The following ARHGEF1 variants were observed in gnomAD, a reference collection of about 807,000 sequenced individuals.
The protein encoded by ARHGEF1 is Rho guanine nucleotide exchange factor 1.
A neutral mutation model predicts 119.7 loss-of-function variants in ARHGEF1; 40 were observed. The ratio of observed to expected loss-of-function variants is 0.33; its 90% CI spans 0.26 to 0.44. ARHGEF1 has a LOEUF of 0.44. Among genes scored for constraint, ARHGEF1 ranks in the 20% least tolerant of loss-of-function variants. ARHGEF1 has a pLI of 1.00. For synonymous variants in ARHGEF1, 494 were observed against 521.0 expected, an observed-to-expected ratio of 0.95 and a Z score of 0.71; for missense variants, 976 against 1,268.3, an observed-to-expected ratio of 0.77 and a Z score of 3.50.
At position 41,888,850 on chromosome 19, in the gene ARHGEF1, T is replaced by G. The variant is rs1287509698; in HGVS notation, c.210T>G (p.Phe70Leu). 6.2e-7 allele frequency: 1 copy of G among 1,613,740 alleles called. No homozygotes were observed. The highest frequency in any genetic ancestry group is 1.3e-5 in the African/African-American group (1 of 74,908). The change falls in exon 4 of 29, where the codon TTT (phenylalanine) becomes TTG (leucine). Residue 70 changes from phenylalanine (F) to leucine (L), a missense_variant. This residue lies in a region of ARHGEF1 where 519 missense variants were observed against 580.9 expected (regional missense o/e 0.89). Transcript: ENST00000354532. This position sits in a 1 kb window ranked among gnomAD's most constrained non-coding sequence, Gnocchi z 5.1. ...MALLQHVALQ[F>L]EPGPLLCCLH... ...TCCTGCAGCACGTGGCCCTGCAGTT[T>G]GAGCCAGGACCCCTGGTGAGGGCAG...
rs2074614980 is a variant in ARHGEF1, at chr19:41,902,183, ACCTGCAGCCCTACCCCC to A, written c.1415-90_1415-74del. 12 of 1,565,670 alleles carry A rather than the reference ACCTGCAGCCCTACCCCC, an allele frequency of 7.7e-6. No individual in the cohort carries two copies. ...GGTCCCGAGGATCAGACACAGACAC[ACCTGCAGCCCTACCCCC>A]ACCACACCGCAGCAGGCCCCGCACA... On this transcript the variant is annotated intron_variant, in intron 15 of 28. Transcript: ENST00000354532. This position sits in a 1 kb window ranked among gnomAD's most constrained non-coding sequence, Gnocchi z 6.5.
In ARHGEF1 at chr19:41,916,719, C is replaced by T. The variant is rs1568833581; in HGVS notation, c.1866-6373C>T. Among the ~76,000 whole-genome samples the T allele has an allele frequency of 6.6e-6, 1 of 151,932 alleles. No individual in the cohort carries two copies. The highest frequency in any genetic ancestry group is 1.5e-5 in the Non-Finnish European group (1 of 67,954). The stretch of plus-strand genomic sequence containing the variant: ...CATATGCACTTGGTCACGCATGGAG[C>T]CGTAGAGATACACACACCAGCACCA... On this transcript the variant is annotated intron_variant, in intron 18 of 20. Transcript: ENST00000599589. This position sits in a 1 kb window ranked among gnomAD's most constrained non-coding sequence, Gnocchi z 5.4.
rs897262762 is a variant in ARHGEF1, at chr19:41,902,381, C to G, written c.1497+25C>G. On this transcript the variant is annotated intron_variant, in intron 16 of 28. Coordinates refer to ENST00000354532, the MANE Select transcript of ARHGEF1 (RefSeq NM_004706.4). The surrounding 1 kb of genome is among the most constrained non-coding windows in gnomAD (Gnocchi z 6.5). ...GGTGAGATGCCCAGCCCTCCCGCTC[C>G]TCCCAGCTAGACACATGGAATTCAG... is the stretch of plus-strand genomic sequence containing the variant. The G allele has an allele frequency of 6.2e-7, 1 of 1,613,648 alleles. No individual in the cohort carries two copies. Among genetic ancestry groups the G allele is most frequent in the Non-Finnish European group, 8.5e-7 (1 of 1,179,854 alleles).
intron 1 of ARHGEF1, among the ~76,000 whole-genome samples, chr19:41,885,885 T>C (rs1384584273): frequency 1.3e-5 from 2 of 152,180 alleles, no homozygotes; most frequent in Non-Finnish European, 2.9e-5. Flanking sequence ...CCCAAGTAGC[T>C]ATGACTACAG....
intron 4 of ARHGEF1, among the ~76,000 whole-genome samples, chr19:41,891,133 G>A (rs2074370256): frequency 6.6e-6 from 1 of 152,070 alleles, no homozygotes; most frequent in African/African-American, 2.4e-5. Flanking sequence ...CACCATCTGG[G>A]ACACAGATGG....
At chr19:41,898,279 G>C in intron 13 of ARHGEF1, 163 bp from the exon 14 acceptor site, 1 of 1,301,866 alleles carries the variant, frequency 7.7e-7, no homozygotes, top group Non-Finnish European at 1.0e-6. Flanking sequence ...CTAGAGATCT[G>C]GGAACTCTAG....
At position 41,905,119 on chromosome 19, in the gene ARHGEF1, C is replaced by T. The variant is rs2074668789; in HGVS notation, c.2250-56C>T. On this transcript the variant is annotated intron_variant, in intron 23 of 28. Transcript: ENST00000354532. This position sits in a 1 kb window ranked among gnomAD's most constrained non-coding sequence, Gnocchi z 6.4. The stretch of plus-strand genomic sequence containing the variant: ...CAGGGACAGGAGGGCTGTGGGGAGG[C>T]CCTGGCATAGGGTCTGGGGGCTCTG... The T allele has an allele frequency of 1.2e-6, 2 of 1,610,606 alleles. No individual in the cohort carries two copies. Among genetic ancestry groups the T allele is most frequent in the African/African-American group, 2.7e-5 (2 of 74,848 alleles).
intron 1 of ARHGEF1, among the ~76,000 whole-genome samples, chr19:41,926,479 G>C (rs1471839576): frequency 1.3e-5 from 2 of 152,102 alleles, no homozygotes; most frequent in Admixed American, 1.3e-4. Context: ...GCCACAGGTG[G>C]GTGCAGTGTG....
intron 1 of ARHGEF1, chr19:41,927,903 CCCCATCCGCCTA>C (rs2145915796): frequency 6.6e-6 from 1 of 151,742 alleles, no homozygotes; most frequent in East Asian, 1.9e-4. Flanking sequence ...GGGCGGATGA[CCCCATCCGCCTA>C]CCCCTCCACC....
In ARHGEF1 at chr19:41,914,563, A is replaced by C. The variant is rs868957595; in HGVS notation, c.1865+7760A>C. 6.0e-4 allele frequency among the ~76,000 whole-genome samples: 34 copies of C among 56,654 alleles called. 1 individual carries two copies. Among genetic ancestry groups the C allele is most frequent in the South Asian group, 2.1e-3 (2 of 964 alleles). 37.2% of individuals were successfully genotyped at this position (56,654 alleles called of 152,430 possible). A position where few individuals can be genotyped will look rare whatever the true frequency, so the allele number is the denominator to read the frequency against. On this transcript the variant is annotated intron_variant, in intron 18 of 20. Coordinates refer to the ARHGEF1 transcript ENST00000599589. Reference sequence around the variant, plus strand: ...ATCCGTCTTTCCCTCCCCTTCCACCATCTCTGTCTCCGTCTCTCCCTCCCT... The same window carrying C: ...ATCCGTCTTTCCCTCCCCTTCCACCCTCTCTGTCTCCGTCTCTCCCTCCCT...
At chr19:41,907,840 A>C, downstream of ARHGEF1, 1 of 141,610 alleles carries the variant, frequency 7.1e-6, no homozygotes, top group Non-Finnish European at 1.2e-5. Context: ...CCCTGTCCCC[A>C]GGGGGGCCTA....
intron 9 of ARHGEF1, 56 bp from the exon 10 acceptor site, chr19:41,894,395 G>T: frequency 1.3e-6 from 2 of 1,524,208 alleles, no homozygotes; most frequent in Non-Finnish European, 1.8e-6. Flanking sequence ...GTCAAATTCT[G>T]CTTTGTTGTT....
chr19:41,917,770 G>C lies in ARHGEF1; in HGVS notation c.1866-5322G>C, dbSNP rs1423091758. On this transcript the variant is annotated intron_variant, in intron 18 of 20. Transcript: ENST00000599589. This position sits in a 1 kb window ranked among gnomAD's most constrained non-coding sequence, Gnocchi z 4.8. The stretch of plus-strand genomic sequence containing the variant: ...AGGACACATCTGTGCACACAGTAGA[G>C]ACCCACAGTGACACCCACTAGTAGG... 6.6e-6 allele frequency among the ~76,000 whole-genome samples: 1 copy of C among 151,564 alleles called. No homozygotes were observed. The highest frequency in any genetic ancestry group is 1.5e-5 in the Non-Finnish European group (1 of 67,920).
At chr19:41,926,624 C>T (rs2074871951) in intron 1 of ARHGEF1, among the ~76,000 whole-genome samples, 1 of 151,994 alleles carries the variant, frequency 6.6e-6, no homozygotes, top group Admixed American at 6.5e-5. Context: ...CTGGGCTAGG[C>T]GAGGCCTGGC....
chr19:41,903,244 G>C lies in ARHGEF1; in HGVS notation c.1739-63G>C. The stretch of plus-strand genomic sequence containing the variant: ...GCCAGCTGTCCTTTGTCTAACCTTG[G>C]CTGCCCAATCTGGAGCCTCCAGGGC... On this transcript the variant is annotated intron_variant, in intron 18 of 28. Coordinates refer to ENST00000354532, the MANE Select transcript of ARHGEF1 (RefSeq NM_004706.4). This position sits in a 1 kb window ranked among gnomAD's most constrained non-coding sequence, Gnocchi z 4.2. The C allele has an allele frequency of 6.7e-7, 1 of 1,492,986 alleles. No homozygotes were observed. Among genetic ancestry groups the C allele is most frequent in the Admixed American group, 1.7e-5 (1 of 57,938 alleles). 92.5% of individuals were successfully genotyped at this position (1,492,986 alleles called of 1,614,324 possible).
intron 12 of ARHGEF1, 95 bp downstream of exon 12, chr19:41,895,581 C>T: frequency 6.0e-6 from 8 of 1,327,630 alleles, no homozygotes; most frequent in Non-Finnish European, 8.2e-6. Flanking sequence ...AAGCCATTCC[C>T]CAGCAACACC....
upstream of ARHGEF1, among the ~76,000 whole-genome samples, chr19:41,918,596 C>T (rs1174027076): frequency 1.4e-5 from 2 of 147,798 alleles, no homozygotes; most frequent in Admixed American, 6.7e-5. Context: ...CATACACTAC[C>T]CATCACAGAC....
chr19:41,928,783 C>G (rs782805327), intron 1 of ARHGEF1: 2 of 389,888 alleles, frequency 5.1e-6, no homozygotes, highest in South Asian at 3.6e-5. Flanking sequence ...GGTGGAGAGA[C>G]CCCCCTCCTC....
intron 1 of ARHGEF1, chr19:41,884,409 C>G (rs1007836104): frequency 8.3e-5 from 133 of 1,595,492 alleles, no homozygotes; most frequent in Non-Finnish European, 9.1e-5. Flanking sequence ...AGCGACGCGG[C>G]GGCAGGGGTG....
Sources: allele counts gnomAD v4.1 joint callset (sites outside exome capture counted in the v4.1 genomes callset), GRCh38; gene constraint gnomAD v4.1.1; regional missense constraint gnomAD v4.1.1; non-coding constraint Gnocchi (gnomAD v3.1); transcripts MANE v1.5; gene names NCBI Gene and HGNC (gene_info 2026-07-23, HGNC 2026-07-21).